The following DOCK5 variants were observed in gnomAD, a reference collection of about 807,000 sequenced individuals.
DOCK5 encodes dedicator of cytokinesis protein 5.
In DOCK5, 142 loss-of-function variants were observed where a neutral mutation model predicts 251.8. The ratio of observed to expected loss-of-function variants is 0.56; its 90% CI spans 0.49 to 0.65. The LOEUF (loss-of-function observed/expected upper bound fraction) is 0.65. DOCK5 is among the 30% of genes least tolerant of loss of function. DOCK5 has a pLI of 0.00. For synonymous variants in DOCK5, 842 were observed against 835.5 expected, an observed-to-expected ratio of 1.01 and a Z score of -0.13; for missense variants, 2,111 against 2,312.3, an observed-to-expected ratio of 0.91 and a Z score of 1.79.
In DOCK5 at chr8:25,359,046, C is replaced by T. The variant is rs754505838; in HGVS notation, c.2934C>T (p.Thr978=). The T allele has an allele frequency of 3.1e-6, 5 of 1,613,782 alleles. No homozygotes were observed. The African/African-American group carries it at 6.7e-5, about 22-fold the overall frequency. The change falls in exon 28 of 52, where the codon ACC becomes ACT. Residue 978 remains threonine (T), a synonymous_variant. Transcript: ENST00000276440. ...GCCACTACATCAGCACTTTCAAAAC[C>T]AGACAAGACATCATCGTAAGTTGCC... ...HYSHYISTFK[T]RQDIIDFLME...
At chr8:25,210,045 T>TATATATATATATAAAA in intron 1 of DOCK5, among the ~76,000 whole-genome samples, 5 of 20,648 alleles carry the variant, frequency 2.4e-4, no homozygotes, top group African/African-American at 1.2e-3. Flanking sequence ...AATGTGTGTG[T>TATATATATATATAAAA]GTGTGTGTGT....
intron 33 of DOCK5, among the ~76,000 whole-genome samples, chr8:25,369,103 T>C (rs10106554): frequency 0.51 from 77,116 of 152,016 alleles, 19,648 homozygotes; most frequent in Middle Eastern, 0.54. Flanking sequence ...AATCCATTAC[T>C]CTGTAGCTTT....
chr8:25,288,541 C>T (rs185186053), intron 5 of DOCK5, among the ~76,000 whole-genome samples: 1 of 152,156 alleles, frequency 6.6e-6, no homozygotes, highest in Non-Finnish European at 1.5e-5. Context: ...TGCACATGTA[C>T]CCCAAACAAA....
intron 29 of DOCK5, among the ~76,000 whole-genome samples, chr8:25,363,356 T>C (rs1472736273): frequency 3.9e-5 from 6 of 152,222 alleles, no homozygotes; most frequent in Non-Finnish European, 5.9e-5. Flanking sequence ...CTCCCTTCTC[T>C]AGCGTCGTCT....
chr8:25,257,550 G>A (rs1323358631), intron 2 of DOCK5, among the ~76,000 whole-genome samples: 1 of 152,142 alleles, frequency 6.6e-6, no homozygotes, highest in Non-Finnish European at 1.5e-5. Context: ...ATAGCCACCT[G>A]AAAAGTTCAG....
chr8:25,377,561 G>T, intron 38 of DOCK5, 137 bp downstream of exon 38: 2 of 1,140,054 alleles, frequency 1.8e-6, no homozygotes, highest in South Asian at 1.7e-5. Context: ...GACTGCCCCC[G>T]CTTCAGATGC....
intron 14 of DOCK5, among the ~76,000 whole-genome samples, chr8:25,318,578 C>T (rs1376650412): frequency 6.2e-5 from 7 of 112,062 alleles, no homozygotes; most frequent in South Asian, 3.6e-4. Flanking sequence ...CTTTCTTTTC[C>T]ATTTTCTTTC....
At chr8:25,391,201 GTGTGTGTGT>G (rs1563228003) in intron 42 of DOCK5, among the ~76,000 whole-genome samples, 6,076 of 139,666 alleles carry the variant, frequency 0.044, 252 homozygotes, top group Non-Finnish European at 0.046. Context: ...CCACACCTGT[GTGTGTGTGT>G]GTGTGTGTGT....
intron 2 of DOCK5, among the ~76,000 whole-genome samples, chr8:25,255,565 A>G (rs1803398772): frequency 6.6e-6 from 1 of 152,136 alleles, no homozygotes; most frequent in Admixed American, 6.6e-5. Flanking sequence ...GAATTTTTAG[A>G]GCAGTAAATC....
At chr8:25,314,479 T>A (rs1805183721) in intron 13 of DOCK5, among the ~76,000 whole-genome samples, 1 of 151,984 alleles carries the variant, frequency 6.6e-6, no homozygotes, top group Non-Finnish European at 1.5e-5. Context: ...CATAATTCTG[T>A]GCATCTAGGC....
At chr8:25,307,774 T>C (rs985494066) in intron 11 of DOCK5, among the ~76,000 whole-genome samples, 2 of 152,198 alleles carry the variant, frequency 1.3e-5, no homozygotes, top group Non-Finnish European at 2.9e-5. Context: ...ATTTCATTAC[T>C]GCTCACTGTG....
intron 50 of DOCK5, 35 bp downstream of exon 50, chr8:25,408,975 TA>T (rs1563235011): frequency 1.9e-6 from 3 of 1,613,632 alleles, no homozygotes; most frequent in Non-Finnish European, 2.5e-6. Context: ...GTCTTTTTAC[TA>T]GGGAATGGAG....
At chr8:25,407,742 C>A (rs1801546837) in intron 48 of DOCK5, among the ~76,000 whole-genome samples, 1 of 151,470 alleles carries the variant, frequency 6.6e-6, no homozygotes, top group African/African-American at 2.4e-5. Context: ...TAAAACAATA[C>A]AAACTTTAGC....
intron 26 of DOCK5, among the ~76,000 whole-genome samples, chr8:25,350,024 A>G (rs1357950197): frequency 2.0e-5 from 3 of 152,210 alleles, no homozygotes; most frequent in African/African-American, 7.2e-5. Context: ...ATTCTTTACC[A>G]GGGGCAGGAT....
rs797007454 is a variant in DOCK5, at chr8:25,413,411, CAA to C, written c.*2114_*2115del. On this transcript the variant is annotated 3_prime_UTR_variant, in exon 52 of 52. Transcript: ENST00000276440. ...ACTAGAGACAAACTTAATAAGAACTCAAGAGGATTTTAAATGGAGAGAACTCA... is the reference window on the plus strand; with the variant it reads ...ACTAGAGACAAACTTAATAAGAACTCGAGGATTTTAAATGGAGAGAACTCA... 5.9e-5 allele frequency: 9 copies of C among 152,146 alleles called. No homozygotes were observed. The highest frequency in any genetic ancestry group is 2.2e-4 in the African/African-American group (9 of 41,496). The allele number at this position is 152,146 out of a possible 1,614,324, so 9.4% of individuals were successfully genotyped here.
chr8:25,334,279 AC>A (rs1303395045), intron 21 of DOCK5, 83 bp downstream of exon 21: 2 of 1,123,824 alleles, frequency 1.8e-6, no homozygotes, highest in African/African-American at 1.5e-5. Flanking sequence ...AACGAGACGG[AC>A]CTATTACTAT....
At chr8:25,220,012 T>TTC (rs1802341073) in intron 1 of DOCK5, among the ~76,000 whole-genome samples, 1 of 149,366 alleles carries the variant, frequency 6.7e-6, no homozygotes. Context: ...TCTTCTTCTT[T>TTC]TTTTTTTGTC....
At position 25,308,896 on chromosome 8, in the gene DOCK5, C is replaced by T. The variant is rs1440223057; in HGVS notation, c.1163C>T (p.Ala388Val). Residue 388 changes from alanine (A) to valine (V), a missense_variant, in exon 12 of 52, where the codon GCA (alanine) becomes GTA (valine). Coordinates refer to ENST00000276440, the MANE Select transcript of DOCK5 (RefSeq NM_024940.8). ...PLTSVLNKVI[A>V]AKEVNHKGQG... ...ACTTCAGTCTTGAATAAAGTGATTGCAGCAAAGGAAGTGAATCACAAAGGG... is the reference window on the plus strand; with the variant it reads ...ACTTCAGTCTTGAATAAAGTGATTGTAGCAAAGGAAGTGAATCACAAAGGG... The T allele has an allele frequency of 6.2e-7, 1 of 1,613,728 alleles. No homozygotes were observed. Among genetic ancestry groups the T allele is most frequent in the Non-Finnish European group, 8.5e-7 (1 of 1,179,728 alleles).
rs1586360136 is a variant in DOCK5 at position 25,359,062 on chromosome 8, G to A, written c.2949+1G>A. On this transcript the variant is annotated splice_donor_variant, in intron 28 of 51. Transcript: ENST00000276440. LOFTEE classifies it high-confidence loss of function. ...TTTCAAAACCAGACAAGACATCATCGTAAGTTGCCTTTACTGGTCCTGGTA... is the reference window on the plus strand; with the variant it reads ...TTTCAAAACCAGACAAGACATCATCATAAGTTGCCTTTACTGGTCCTGGTA... 4 of 1,613,364 alleles carry A rather than the reference G, an allele frequency of 2.5e-6. No individual in the cohort carries two copies. The highest frequency in any genetic ancestry group is 3.4e-6 in the Non-Finnish European group (4 of 1,179,334).
Sources: allele counts gnomAD v4.1 joint callset (sites outside exome capture counted in the v4.1 genomes callset), GRCh38; gene constraint gnomAD v4.1.1; transcripts MANE v1.5; gene names NCBI Gene and HGNC (gene_info 2026-07-23, HGNC 2026-07-21).